Variants in IGSF9B observed in about 807,000 individuals in gnomAD.
IGSF9B encodes protein turtle homolog B.
Under a neutral mutation model 143.7 loss-of-function variants are expected in IGSF9B, and 48 were observed. That is an observed-to-expected ratio of 0.33 (90% CI 0.26 to 0.42). IGSF9B has a LOEUF of 0.42. IGSF9B is among the 20% of genes least tolerant of loss of function. The pLI, the probability that IGSF9B is intolerant of heterozygous loss-of-function variation, is 1.00. For missense variants in IGSF9B, 1,706 were observed against 1,980.0 expected, an observed-to-expected ratio of 0.86 and a Z score of 2.63; for synonymous variants, 903 against 833.1, an observed-to-expected ratio of 1.08 and a Z score of -1.44.
At chr11:133,930,841 C>T (rs1565434766) in intron 11 of IGSF9B, 143 bp downstream of exon 11, 11 of 802,030 alleles carry the variant, frequency 1.4e-5, no homozygotes, top group African/African-American at 1.2e-4. Flanking sequence ...CGGTGCTGGA[C>T]GCGGAGTTCA....
rs144436792 is a variant in IGSF9B, at chr11:133,952,797, A to G, written c.64+3894T>C. Among the ~76,000 whole-genome samples, 120 of 152,192 alleles carry G rather than the reference A, an allele frequency of 7.9e-4. 1 individual carries two copies. Among genetic ancestry groups the G allele is most frequent in the East Asian group, 4.1e-3 (21 of 5,166 alleles). The stretch of plus-strand genomic sequence containing the variant: ...TATGCGCACACACATGTGCACATGT[A>G]TGCATGTGCACACACACACACTTCT... On this transcript the variant is annotated intron_variant, in intron 1 of 19. Coordinates refer to ENST00000533871, the MANE Select transcript of IGSF9B (RefSeq NM_001277285.4).
At position 133,909,953 on chromosome 11, in the gene IGSF9B, A is replaced by G. The variant is rs1167363130; in HGVS notation, c.4106-676T>C. ...CTTAAAGGGTTAACACTTGAATTGCATCTTAAATTATGAGCCTTCCACAGA... is the reference window on the plus strand; with the variant it reads ...CTTAAAGGGTTAACACTTGAATTGCGTCTTAAATTATGAGCCTTCCACAGA... On this transcript the variant is annotated intron_variant, in intron 19 of 19. Coordinates refer to ENST00000533871, the MANE Select transcript of IGSF9B (RefSeq NM_001277285.4). This position sits in a 1 kb window ranked among gnomAD's most constrained non-coding sequence, Gnocchi z 4.2. Among the ~76,000 whole-genome samples, 1 of 152,278 alleles carries G rather than the reference A, an allele frequency of 6.6e-6. No individual in the cohort carries two copies. The highest frequency in any genetic ancestry group is 1.5e-5 in the Non-Finnish European group (1 of 68,046).
At position 133,905,775 on chromosome 11, in the gene IGSF9B, A is replaced by G. The variant is rs1439522940; in HGVS notation, c.*3294T>C. On this transcript the variant is annotated 3_prime_UTR_variant, in exon 20 of 20. Coordinates refer to ENST00000533871, the MANE Select transcript of IGSF9B (RefSeq NM_001277285.4). The surrounding 1 kb of genome is among the most constrained non-coding windows in gnomAD (Gnocchi z 4.0). The stretch of plus-strand genomic sequence containing the variant: ...ACTGGCAGCAGGCAGGGCCACTCCC[A>G]GATGCTGGGCCCAGAGCCACCCCAA... 1.3e-5 allele frequency among the ~76,000 whole-genome samples: 2 copies of G among 152,232 alleles called. No individual in the cohort carries two copies. Among genetic ancestry groups the G allele is most frequent in the Non-Finnish European group, 2.9e-5 (2 of 68,040 alleles).
At position 133,907,439 on chromosome 11, in the gene IGSF9B, C is replaced by A. The variant is rs1939225960; in HGVS notation, c.*1630G>T. 6.6e-6 allele frequency among the ~76,000 whole-genome samples: 1 copy of A among 152,174 alleles called. No homozygotes were observed. The highest frequency in any genetic ancestry group is 2.4e-5 in the African/African-American group (1 of 41,450). On this transcript the variant is annotated 3_prime_UTR_variant, in exon 20 of 20. Transcript: ENST00000533871. ...AGGGAACTCGGGAGAGGTGGGTGCC[C>A]CCAAACCCACCAAGACAGCAGCACC...
chr11:133,909,420 C>G lies in IGSF9B; in HGVS notation c.4106-143G>C, dbSNP rs1007086010. 7 of 695,302 alleles carry G rather than the reference C, an allele frequency of 1.0e-5. No homozygotes were observed. The East Asian group carries it at 1.9e-4, about 19-fold the overall frequency. The allele number at this position is 695,302 out of a possible 1,614,324, so 43.1% of individuals were successfully genotyped here. A position where few individuals can be genotyped will look rare whatever the true frequency, so the allele number is the denominator to read the frequency against. ...TCACCTGAGTCTAGAGAGACCAGACCGAATTGCTGCAGAGAAACCACCTTC... is the reference window on the plus strand; with the variant it reads ...TCACCTGAGTCTAGAGAGACCAGACGGAATTGCTGCAGAGAAACCACCTTC... On this transcript the variant is annotated intron_variant, in intron 19 of 19. Coordinates refer to ENST00000533871, the MANE Select transcript of IGSF9B (RefSeq NM_001277285.4). The surrounding 1 kb of genome is among the most constrained non-coding windows in gnomAD (Gnocchi z 4.2).
At chr11:133,919,119 G>C in intron 18 of IGSF9B, 1 of 199,570 alleles carries the variant, frequency 5.0e-6, no homozygotes, top group Non-Finnish European at 9.6e-6. Flanking sequence ...CGAGGTATAC[G>C]GGGGGGGGGT....
In IGSF9B at chr11:133,898,963, T is replaced by C. The variant is rs573740268; in HGVS notation, c.*10106A>G. ...GCAGCAAAAATCCACGACAGAGCCT[T>C]TTCCCCAAGCTGCTGGTTGGTGACA... On this transcript the variant is annotated 3_prime_UTR_variant, in exon 20 of 20. Transcript: ENST00000533871. The C allele has an allele frequency of 6.6e-6, 1 of 152,400 alleles. No homozygotes were observed. The highest frequency in any genetic ancestry group is 1.5e-5 in the Non-Finnish European group (1 of 68,138). 9.4% of individuals were successfully genotyped at this position (152,400 alleles called of 1,614,324 possible).
chr11:133,939,723 C>T (rs1487914135), intron 3 of IGSF9B, among the ~76,000 whole-genome samples: 1 of 152,020 alleles, frequency 6.6e-6, no homozygotes. Context: ...TCATCACATG[C>T]AAAAACACGC....
chr11:133,944,377 A>G lies in IGSF9B; in HGVS notation c.263-11T>C, dbSNP rs749970964. On this transcript the variant is annotated splice_polypyrimidine_tract_variant and intron_variant, in intron 2 of 19. Transcript: ENST00000533871. ...GAAGACTGGCCCGGCCTGGGGGAAT[A>G]GAGCAGACAAAAGCCCCACAGGCCA... is the stretch of plus-strand genomic sequence containing the variant. 1 of 1,612,630 alleles carries G rather than the reference A, an allele frequency of 6.2e-7. No individual in the cohort carries two copies. The highest frequency in any genetic ancestry group is 8.5e-7 in the Non-Finnish European group (1 of 1,179,744).
In IGSF9B at chr11:133,899,890, A is replaced by C. The variant is rs1396281124; in HGVS notation, c.*9179T>G. 6.6e-6 allele frequency: 1 copy of C among 152,202 alleles called. No homozygotes were observed. Among genetic ancestry groups the C allele is most frequent in the Non-Finnish European group, 1.5e-5 (1 of 68,034 alleles). 9.4% of individuals were successfully genotyped at this position (152,202 alleles called of 1,614,324 possible). Reference sequence around the variant, plus strand: ...AAACACTCAGCTGCAGGAGCCTGCAAGAAAGATCATTCAAGGCAAGGATGG... The same window carrying C: ...AAACACTCAGCTGCAGGAGCCTGCACGAAAGATCATTCAAGGCAAGGATGG... On this transcript the variant is annotated 3_prime_UTR_variant, in exon 20 of 20. Coordinates refer to ENST00000533871, the MANE Select transcript of IGSF9B (RefSeq NM_001277285.4).
At chr11:133,937,242 C>T (rs1394577082) in intron 5 of IGSF9B, 134 bp downstream of exon 5, 4 of 638,410 alleles carry the variant, frequency 6.3e-6, no homozygotes, top group African/African-American at 1.8e-5. Flanking sequence ...ACAGGAGCCC[C>T]GCACAGGTCC....
In IGSF9B at chr11:133,906,858, C is replaced by T. The variant is rs796782877; in HGVS notation, c.*2211G>A. ...CTGCCAGTGCATAAAGGCTGCACGT[C>T]AGCTTGCGGTAAGCCCCCACCTCCC... On this transcript the variant is annotated 3_prime_UTR_variant, in exon 20 of 20. Coordinates refer to ENST00000533871, the MANE Select transcript of IGSF9B (RefSeq NM_001277285.4). 9.2e-5 allele frequency among the ~76,000 whole-genome samples: 14 copies of T among 152,286 alleles called. No homozygotes were observed. The highest frequency in any genetic ancestry group is 3.4e-4 in the African/African-American group (14 of 41,562).
At chr11:133,926,045 C>T in intron 13 of IGSF9B, 80 bp from the exon 14 acceptor site, 2 of 1,031,794 alleles carry the variant, frequency 1.9e-6, no homozygotes, top group Admixed American at 2.0e-5. Context: ...CTCCTGTGCA[C>T]ATGTCAGGGC....
At position 133,921,415 on chromosome 11, in the gene IGSF9B, A is replaced by G; in HGVS notation, c.2328-18T>C. On this transcript the variant is annotated intron_variant, in intron 17 of 19. Transcript: ENST00000533871. Reference sequence around the variant, plus strand: ...AGGACAAGCTGCAAGGAGGAGCAAGAGCCGGGAGGGGATGAGGTGGGGCAG... The same window carrying G: ...AGGACAAGCTGCAAGGAGGAGCAAGGGCCGGGAGGGGATGAGGTGGGGCAG... 1.4e-6 allele frequency: 2 copies of G among 1,473,324 alleles called. No individual in the cohort carries two copies. Among genetic ancestry groups the G allele is most frequent in the Non-Finnish European group, 1.8e-6 (2 of 1,114,250 alleles). The allele number at this position is 1,473,324 out of a possible 1,614,324, so 91.3% of individuals were successfully genotyped here. A position where few individuals can be genotyped will look rare whatever the true frequency, so the allele number is the denominator to read the frequency against.
chr11:133,935,588 C>G (rs753612386), intron 7 of IGSF9B, 29 bp downstream of exon 7: 8 of 1,593,412 alleles, frequency 5.0e-6, no homozygotes, highest in African/African-American at 2.7e-5. Context: ...GGAGCCCCAC[C>G]ACCCAGGCTC....
In IGSF9B at chr11:133,931,964, CT is replaced by C; in HGVS notation, c.1110+106del. On this transcript the variant is annotated intron_variant, in intron 8 of 19. Coordinates refer to ENST00000533871, the MANE Select transcript of IGSF9B (RefSeq NM_001277285.4). The surrounding 1 kb of genome is among the most constrained non-coding windows in gnomAD (Gnocchi z 7.7). The stretch of plus-strand genomic sequence containing the variant: ...GAAGCAGCTCTCTGTTTGCCCAGGG[CT>C]TTTGGAAGGGGCCAGGAGTCCTGGC... 6.6e-7 allele frequency: 1 copy of C among 1,509,018 alleles called. No homozygotes were observed. Among genetic ancestry groups the C allele is most frequent in the Non-Finnish European group, 8.9e-7 (1 of 1,123,578 alleles). The allele number at this position is 1,509,018 out of a possible 1,614,324, so 93.5% of individuals were successfully genotyped here.
intron 3 of IGSF9B, among the ~76,000 whole-genome samples, chr11:133,941,403 T>C (rs921944457): frequency 7.2e-5 from 11 of 152,206 alleles, no homozygotes; most frequent in Admixed American, 5.2e-4. Flanking sequence ...TGAGACAATT[T>C]GTAATTCTAA....
At chr11:133,943,746 C>T (rs1043198118) in intron 3 of IGSF9B, among the ~76,000 whole-genome samples, 22 of 152,206 alleles carry the variant, frequency 1.4e-4, no homozygotes, top group Non-Finnish European at 2.5e-4. Flanking sequence ...GCTGGATACA[C>T]ACTACACCCT....
chr11:133,926,800 T>C (rs1939633782), intron 13 of IGSF9B, 116 bp downstream of exon 13: 1 of 818,188 alleles, frequency 1.2e-6, no homozygotes, highest in Non-Finnish European at 1.9e-6. Flanking sequence ...GGCACGGCTC[T>C]GTGGAGCACT....
Sources: allele counts gnomAD v4.1 joint callset (sites outside exome capture counted in the v4.1 genomes callset), GRCh38; gene constraint gnomAD v4.1.1; non-coding constraint Gnocchi (gnomAD v3.1); transcripts MANE v1.5; gene names NCBI Gene and HGNC (gene_info 2026-07-23, HGNC 2026-07-21).